Variants in EML6 observed in about 807,000 individuals in gnomAD.
The protein encoded by EML6 is EMAP like 6.
A neutral mutation model predicts 240.1 loss-of-function variants in EML6; 154 were observed. The observed-to-expected ratio is 0.64, with a 90% confidence interval of 0.56 to 0.73. The LOEUF (loss-of-function observed/expected upper bound fraction) is 0.73, where lower values mean the gene tolerates loss of function less well. Among genes scored for constraint, EML6 ranks in the 30% least tolerant of loss-of-function variants. EML6 has a pLI of 0.00. For synonymous variants in EML6, 1,148 were observed against 899.0 expected (o/e 1.28, Z -4.95); for missense variants, 2,964 against 2,474.6 (o/e 1.20, Z -4.20).
intron 2 of EML6, among the ~76,000 whole-genome samples, chr2:54,734,086 C>G (rs1683286219): frequency 6.6e-6 from 1 of 152,090 alleles, no homozygotes; most frequent in Non-Finnish European, 1.5e-5. Flanking sequence ...CTTCTGTAAC[C>G]CTAGCACTTT....
chr2:54,925,570 C>G (rs910171286), intron 26 of EML6, among the ~76,000 whole-genome samples: 1 of 152,144 alleles, frequency 6.6e-6, no homozygotes, highest in Non-Finnish European at 1.5e-5. Context: ...GGCATCTCTT[C>G]CGGGCATTTT....
intron 7 of EML6, among the ~76,000 whole-genome samples, chr2:54,841,283 G>A (rs1391955647): frequency 6.6e-6 from 1 of 152,220 alleles, no homozygotes; most frequent in Admixed American, 6.5e-5. Context: ...CTGAACTACT[G>A]TTGCCAGGGT....
intron 2 of EML6, among the ~76,000 whole-genome samples, chr2:54,763,685 C>G (rs576248100): frequency 6.6e-6 from 1 of 152,226 alleles, no homozygotes; most frequent in African/African-American, 2.4e-5. Context: ...CTCCTTCTAC[C>G]AGGAGCCTAA....
chr2:54,934,706 C>T (rs1167381294), intron 28 of EML6, among the ~76,000 whole-genome samples: 1 of 152,060 alleles, frequency 6.6e-6, no homozygotes, highest in Non-Finnish European at 1.5e-5. Context: ...CAGGTGTGCA[C>T]CACCATACCC....
intron 16 of EML6, among the ~76,000 whole-genome samples, chr2:54,877,493 G>GA (rs1265606615): frequency 6.6e-6 from 1 of 151,980 alleles, no homozygotes; most frequent in African/African-American, 2.4e-5. Flanking sequence ...AAAGGAGAGA[G>GA]AAAACACCAA....
chr2:54,848,867 A>T (rs1669918060), intron 9 of EML6, among the ~76,000 whole-genome samples: 1 of 152,232 alleles, frequency 6.6e-6, no homozygotes, highest in Non-Finnish European at 1.5e-5. Flanking sequence ...ATGTTGAATG[A>T]TTACATCACA....
At chr2:54,793,086 C>G (rs1292057641) in intron 2 of EML6, among the ~76,000 whole-genome samples, 1 of 151,932 alleles carries the variant, frequency 6.6e-6, no homozygotes, top group Non-Finnish European at 1.5e-5. Flanking sequence ...TCGTCAACAT[C>G]GTGTAACTCC....
At chr2:54,746,186 G>C (rs1334387678) in intron 2 of EML6, among the ~76,000 whole-genome samples, 1 of 152,230 alleles carries the variant, frequency 6.6e-6, no homozygotes, top group Non-Finnish European at 1.5e-5. Flanking sequence ...ATTAGGGCAA[G>C]GCATTTCCTG....
rs139759180 is a variant in EML6 at position 54,911,739 on chromosome 2, G to A, written c.3498+697G>A. On this transcript the variant is annotated intron_variant, in intron 25 of 41. Coordinates refer to ENST00000356458, the MANE Select transcript of EML6 (RefSeq NM_001039753.4). ...GACGTGAGCCACCGTGTCCAGCCTG[G>A]AAATTATTTTTTGAGACAAAAACAA... Among the ~76,000 whole-genome samples, 289 of 152,246 alleles carry A rather than the reference G, an allele frequency of 1.9e-3. 2 individuals are homozygous for A. The highest frequency in any genetic ancestry group is 6.8e-3 in the African/African-American group (281 of 41,558).
chr2:54,968,443 G>A (rs558562048), intron 40 of EML6, among the ~76,000 whole-genome samples, 162 bp downstream of exon 40: 12 of 152,294 alleles, frequency 7.9e-5, no homozygotes, highest in African/African-American at 2.9e-4. Context: ...GGGCAGTCCT[G>A]GAAGCCAGAA....
intron 28 of EML6, among the ~76,000 whole-genome samples, chr2:54,944,793 A>G (rs1675596556): frequency 6.6e-6 from 1 of 152,070 alleles, no homozygotes; most frequent in Non-Finnish European, 1.5e-5. Flanking sequence ...TCTGGAAGAC[A>G]TAGGAATACA....
chr2:54,780,374 C>T (rs1005678380), intron 2 of EML6, among the ~76,000 whole-genome samples: 8 of 152,284 alleles, frequency 5.3e-5, no homozygotes, highest in African/African-American at 9.6e-5. Context: ...GCAAAAATGA[C>T]GTTTGTAGCT....
At chr2:54,757,649 G>T (rs1254427540) in intron 2 of EML6, among the ~76,000 whole-genome samples, 2 of 152,116 alleles carry the variant, frequency 1.3e-5, no homozygotes, top group African/African-American at 4.8e-5. Context: ...GGATTCTGGT[G>T]GACTCACTGT....
In EML6 at chr2:54,964,690, T is replaced by G; in HGVS notation, c.5450T>G (p.Phe1817Cys). Residue 1817 changes from phenylalanine (F) to cysteine (C), a missense_variant, in exon 38 of 42, where the codon TTT becomes TGT. Physicochemically the swap from Phe to Cys is radical, Grantham distance 205 (BLOSUM62 -2). Transcript: ENST00000356458. ...RIGYCKDIPS[F>C]VIQMDFSADG... ...GGCTACTGCAAAGATATCCCAAGCT[T>G]TGTCATTCAGATGGATTTTTCTGCG... The G allele has an allele frequency of 6.4e-7, 1 of 1,552,198 alleles. No individual in the cohort carries two copies. Among genetic ancestry groups the G allele is most frequent in the Non-Finnish European group, 8.7e-7 (1 of 1,147,094 alleles).
At chr2:54,882,273 C>CTTTTT (rs551619521) in intron 17 of EML6, 4 of 106,906 alleles carry the variant, frequency 3.7e-5, no homozygotes, top group African/African-American at 1.1e-4. Context: ...ATTTTTTAGT[C>CTTTTT]TTTTTTTTTT....
intron 2 of EML6, among the ~76,000 whole-genome samples, chr2:54,750,198 G>A (rs1024687357): frequency 2.0e-5 from 3 of 152,170 alleles, no homozygotes; most frequent in African/African-American, 7.2e-5. Context: ...TTTGGATATG[G>A]CCCAGGAAGA....
chr2:54,849,028 A>C (rs534025870), intron 9 of EML6, among the ~76,000 whole-genome samples: 1 of 152,220 alleles, frequency 6.6e-6, no homozygotes, highest in African/African-American at 2.4e-5. Context: ...CCCTTTCTCC[A>C]TGGCGTATTT....
intron 2 of EML6, among the ~76,000 whole-genome samples, chr2:54,789,460 G>T (rs1269957027): frequency 2.2e-5 from 3 of 134,890 alleles, no homozygotes; most frequent in Admixed American, 1.7e-4. Flanking sequence ...CTTGCAGTGA[G>T]CCGAGATTAC....
chr2:54,875,068 C>T (rs765593622), intron 16 of EML6, among the ~76,000 whole-genome samples: 1 of 152,174 alleles, frequency 6.6e-6, no homozygotes, highest in Non-Finnish European at 1.5e-5. Context: ...ACCTGGGACA[C>T]TCAGTGTGCA....
Sources: gnomAD v4.1 joint callset for allele counts (sites outside exome capture counted in the v4.1 genomes callset) on GRCh38, gnomAD v4.1.1 for gene constraint, MANE v1.5 for transcripts, NCBI Gene and HGNC (gene_info 2026-07-23, HGNC 2026-07-21) for gene names.